POU4F3: variants seen among roughly 807,000 people sequenced by gnomAD.
The protein encoded by POU4F3 is POU class 4 homeobox 3, also known as POU domain, class 4, transcription factor 3.
In POU4F3, 7 loss-of-function variants were observed where a neutral mutation model predicts 22.0. The observed-to-expected ratio is 0.32, with a 90% CI of 0.18 to 0.60. The LOEUF is 0.60. Ranked by LOEUF, POU4F3 falls within the 20% of genes least tolerant of loss-of-function variation. The pLI, the probability that POU4F3 is intolerant of heterozygous loss-of-function variation, is 0.85. For synonymous variants in POU4F3, 220 were observed against 194.5 expected (o/e 1.13, Z -1.09); for missense variants, 457 against 467.4 (o/e 0.98, Z 0.21).
In POU4F3 at chr5:146,339,243, G is replaced by C; in HGVS notation, c.120+11G>C. ...CTCCCAGCCCCGCAGGTACGTAGTG[G>C]AGCATAATTACCGCTCTAAGGCACA... is the stretch of plus-strand genomic sequence containing the variant. On this transcript the variant is annotated intron_variant, in intron 1 of 1. Coordinates refer to ENST00000646991, the MANE Select transcript of POU4F3 (RefSeq NM_002700.3). The surrounding 1 kb of genome is among the most constrained non-coding windows in gnomAD (Gnocchi z 4.7). The C allele has an allele frequency of 3.1e-6, 5 of 1,614,192 alleles. No homozygotes were observed. Among genetic ancestry groups the C allele is most frequent in the Non-Finnish European group, 4.2e-6 (5 of 1,180,046 alleles).
Position 146,339,031 on chromosome 5 carries a change from C to A in POU4F3, c.-82C>A. 6.3e-7 allele frequency: 1 copy of A among 1,583,966 alleles called. No individual in the cohort carries two copies. Among genetic ancestry groups the A allele is most frequent in the Non-Finnish European group, 8.6e-7 (1 of 1,163,818 alleles). ...GGGCGAGGGGAGCGCGGGCGCTGAG[C>A]AGCGCTCACTTGGAGAGCGGCAAGC... On this transcript the variant is annotated 5_prime_UTR_variant, in exon 1 of 2. Transcript: ENST00000646991. The surrounding 1 kb of genome is among the most constrained non-coding windows in gnomAD (Gnocchi z 4.7).
At position 146,339,356 on chromosome 5, in the gene POU4F3, T is replaced by G; in HGVS notation, c.120+124T>G. Reference sequence around the variant, plus strand: ...AACCCCTCTCCTTGTCTCCCCCGCGTTCTCTCCCGGCGCGCTCTCTCTCTC... The same window carrying G: ...AACCCCTCTCCTTGTCTCCCCCGCGGTCTCTCCCGGCGCGCTCTCTCTCTC... On this transcript the variant is annotated intron_variant, in intron 1 of 1. Coordinates refer to ENST00000646991, the MANE Select transcript of POU4F3 (RefSeq NM_002700.3). This position sits in a 1 kb window ranked among gnomAD's most constrained non-coding sequence, Gnocchi z 4.7. 1 of 1,540,294 alleles carries G rather than the reference T, an allele frequency of 6.5e-7. No homozygotes were observed. Among genetic ancestry groups the G allele is most frequent in the Non-Finnish European group, 8.9e-7 (1 of 1,121,088 alleles).
At position 146,339,800 on chromosome 5, in the gene POU4F3, C is replaced by T. The variant is rs1760423963; in HGVS notation, c.373C>T (p.Pro125Ser). 6.2e-7 allele frequency: 1 copy of T among 1,611,288 alleles called. No homozygotes were observed. The highest frequency in any genetic ancestry group is 1.7e-5 in the Admixed American group (1 of 60,004). Residue 125 changes from proline to serine, a missense_variant, in exon 2 of 2, where the codon CCC (proline) becomes TCC (serine). Physicochemically the swap from Pro to Ser is moderately conservative, Grantham distance 74 (BLOSUM62 -1). Around this residue, in one of 2 missense-constraint regions of POU4F3, gnomAD observed 410 missense variants for 385.0 expected, o/e 1.06. Coordinates refer to ENST00000646991, the MANE Select transcript of POU4F3 (RefSeq NM_002700.3). The surrounding 1 kb of genome is among the most constrained non-coding windows in gnomAD (Gnocchi z 4.7). ...LEGDLLEHISPTLSVSGLGAP... is the reference protein window; with the variant it reads ...LEGDLLEHISSTLSVSGLGAP... Reference sequence around the variant, plus strand: ...AGGCGACCTGCTGGAGCACATCTCGCCCACGCTGAGTGTGAGCGGCCTGGG... The same window carrying T: ...AGGCGACCTGCTGGAGCACATCTCGTCCACGCTGAGTGTGAGCGGCCTGGG...
chr5:146,339,700 T>G lies in POU4F3; in HGVS notation c.273T>G (p.Thr91=). 1 of 1,614,084 alleles carries G rather than the reference T, an allele frequency of 6.2e-7. No individual in the cohort carries two copies. The highest frequency in any genetic ancestry group is 8.5e-7 in the Non-Finnish European group (1 of 1,180,022). The part of the protein sequence containing the change: ...HTMSSVPCTS[T]SSTVPISHPA... Reference sequence around the variant, plus strand: ...TGAGCAGCGTGCCCTGCACGTCCACTTCGTCCACCGTGCCCATCTCCCACC... The same window carrying G: ...TGAGCAGCGTGCCCTGCACGTCCACGTCGTCCACCGTGCCCATCTCCCACC... The change falls in exon 2 of 2, where the codon ACT becomes ACG. Residue 91 remains threonine, a synonymous_variant. Coordinates refer to ENST00000646991, the MANE Select transcript of POU4F3 (RefSeq NM_002700.3). The surrounding 1 kb of genome is among the most constrained non-coding windows in gnomAD (Gnocchi z 4.7).
In POU4F3 at chr5:146,339,236, C is replaced by A. The variant is rs1760412415; in HGVS notation, c.120+4C>A. ...AGTCTGTCTCCCAGCCCCGCAGGTA[C>A]GTAGTGGAGCATAATTACCGCTCTA... On this transcript the variant is annotated splice_donor_region_variant and intron_variant, in intron 1 of 1. Transcript: ENST00000646991. This position sits in a 1 kb window ranked among gnomAD's most constrained non-coding sequence, Gnocchi z 4.7. 6.2e-7 allele frequency: 1 copy of A among 1,614,100 alleles called. No individual in the cohort carries two copies. Among genetic ancestry groups the A allele is most frequent in the African/African-American group, 1.3e-5 (1 of 74,940 alleles).
At position 146,340,579 on chromosome 5, in the gene POU4F3, C is replaced by T; in HGVS notation, c.*135C>T. On this transcript the variant is annotated 3_prime_UTR_variant, in exon 2 of 2. Coordinates refer to ENST00000646991, the MANE Select transcript of POU4F3 (RefSeq NM_002700.3). ...TCTCCTCCGAAGCCACAGACTTTCC[C>T]CCTTTGTCCCGCCTGGTTGCCTCCG... The T allele has an allele frequency of 8.3e-7, 1 of 1,208,750 alleles. No individual in the cohort carries two copies. The highest frequency in any genetic ancestry group is 1.2e-6 in the Non-Finnish European group (1 of 850,430). The allele number at this position is 1,208,750 out of a possible 1,614,324, so 74.9% of individuals were successfully genotyped here.
chr5:146,340,198 C>G lies in POU4F3; in HGVS notation c.771C>G (p.Ala257=). ...AGGCCTGGTTGGAGGAGGCCGAGGCCGCCTACCGAGAGAAGAACAGCAAGC... is the reference window on the plus strand; with the variant it reads ...AGGCCTGGTTGGAGGAGGCCGAGGCGGCCTACCGAGAGAAGAACAGCAAGC... ...VLQAWLEEAE[A]AYREKNSKPE... Residue 257 remains alanine, a synonymous_variant, in exon 2 of 2, where the codon GCC becomes GCG. Coordinates refer to ENST00000646991, the MANE Select transcript of POU4F3 (RefSeq NM_002700.3). 6.2e-7 allele frequency: 1 copy of G among 1,614,144 alleles called. No individual in the cohort carries two copies. Among genetic ancestry groups the G allele is most frequent in the Non-Finnish European group, 8.5e-7 (1 of 1,180,032 alleles).
Position 146,339,610 on chromosome 5 carries a change from G to T in POU4F3, c.183G>T (p.Ala61=). ...ESLLARAEAL[A]AVDIVSHGKN... The stretch of plus-strand genomic sequence containing the variant: ...TGCTGGCACGCGCCGAAGCTCTGGC[G>T]GCGGTGGATATCGTCTCCCACGGCA... Residue 61 remains alanine (A), a synonymous_variant, in exon 2 of 2, where the codon GCG becomes GCT. Coordinates refer to ENST00000646991, the MANE Select transcript of POU4F3 (RefSeq NM_002700.3). This position sits in a 1 kb window ranked among gnomAD's most constrained non-coding sequence, Gnocchi z 4.7. The T allele has an allele frequency of 6.2e-7, 1 of 1,614,202 alleles. No homozygotes were observed. The highest frequency in any genetic ancestry group is 1.1e-5 in the South Asian group (1 of 91,088).
Position 146,339,724 on chromosome 5 carries a change from C to A in POU4F3, c.297C>A (p.His99Gln), listed in dbSNP as rs78523542. Residue 99 changes from histidine to glutamine, a missense_variant, in exon 2 of 2, where the codon CAC becomes CAA. Transcript: ENST00000646991. This position sits in a 1 kb window ranked among gnomAD's most constrained non-coding sequence, Gnocchi z 4.7. Reference protein sequence around the residue: ...TSTSSTVPISHPAALTSHPHH... With the variant: ...TSTSSTVPISQPAALTSHPHH... Reference sequence around the variant, plus strand: ...CTTCGTCCACCGTGCCCATCTCCCACCCAGCTGCGCTCACCTCACACCCTC... The same window carrying A: ...CTTCGTCCACCGTGCCCATCTCCCAACCAGCTGCGCTCACCTCACACCCTC... 1.2e-6 allele frequency: 2 copies of A among 1,614,026 alleles called. No homozygotes were observed. The highest frequency in any genetic ancestry group is 1.7e-5 in the Admixed American group (1 of 60,016).
chr5:146,340,270 C>T lies in POU4F3; in HGVS notation c.843C>T (p.Ile281=), dbSNP rs774467201. The change falls in exon 2 of 2, where the codon ATC becomes ATT. Residue 281 remains isoleucine (I), a synonymous_variant. Coordinates refer to ENST00000646991, the MANE Select transcript of POU4F3 (RefSeq NM_002700.3). The part of the protein sequence containing the change: ...GSERKRKRTS[I]AAPEKRSLEA... ...AACGGAAGCGCAAACGCACGTCCAT[C>T]GCGGCGCCGGAGAAGCGTTCACTCG... is the stretch of plus-strand genomic sequence containing the variant. The T allele has an allele frequency of 6.2e-7, 1 of 1,614,204 alleles. No homozygotes were observed. Among genetic ancestry groups the T allele is most frequent in the South Asian group, 1.1e-5 (1 of 91,078 alleles).
chr5:146,339,519 G>A lies in POU4F3; in HGVS notation c.121-29G>A. The A allele has an allele frequency of 6.2e-7, 1 of 1,613,804 alleles. No individual in the cohort carries two copies. On this transcript the variant is annotated intron_variant, in intron 1 of 1. Transcript: ENST00000646991. This position sits in a 1 kb window ranked among gnomAD's most constrained non-coding sequence, Gnocchi z 4.7. ...TCCTGTGTTGACAGTATTCCCTACT[G>A]ACCGTGCTGTGCGCCTTCTCGCTTG...
At position 146,340,841 on chromosome 5, in the gene POU4F3, G is replaced by A. The variant is rs1465065287; in HGVS notation, c.*397G>A. ...AAGCGCGATTAGGCAAAGGGTGAAG[G>A]GATAAAAAGGAAGTGATCAATAATA... On this transcript the variant is annotated 3_prime_UTR_variant, in exon 2 of 2. Coordinates refer to ENST00000646991, the MANE Select transcript of POU4F3 (RefSeq NM_002700.3). 2 of 326,740 alleles carry A rather than the reference G, an allele frequency of 6.1e-6. No homozygotes were observed. Among genetic ancestry groups the A allele is most frequent in the Non-Finnish European group, 1.2e-5 (2 of 171,262 alleles). The allele number at this position is 326,740 out of a possible 1,614,324, so 20.2% of individuals were successfully genotyped here.
In POU4F3 at chr5:146,339,281, C is replaced by G; in HGVS notation, c.120+49C>G. Reference sequence around the variant, plus strand: ...GCTCTAAGGCACATTTTTTGACAGGCACTAGCTTCATGTTTTTTTCATGTC... The same window carrying G: ...GCTCTAAGGCACATTTTTTGACAGGGACTAGCTTCATGTTTTTTTCATGTC... On this transcript the variant is annotated intron_variant, in intron 1 of 1. Transcript: ENST00000646991. The surrounding 1 kb of genome is among the most constrained non-coding windows in gnomAD (Gnocchi z 4.7). 6.2e-7 allele frequency: 1 copy of G among 1,612,054 alleles called. No homozygotes were observed.
chr5:146,339,219 T>A lies in POU4F3; in HGVS notation c.107T>A (p.Leu36His). 1.2e-6 allele frequency: 2 copies of A among 1,614,176 alleles called. No homozygotes were observed. The highest frequency in any genetic ancestry group is 1.7e-6 in the Non-Finnish European group (2 of 1,180,034). ...TCCGAGGCCATGCGCCGAGTCTGTCTCCCAGCCCCGCAGGTACGTAGTGGA... is the reference window on the plus strand; with the variant it reads ...TCCGAGGCCATGCGCCGAGTCTGTCACCCAGCCCCGCAGGTACGTAGTGGA... ...SGSEAMRRVC[L>H]PAPQLQGNIF... Residue 36 changes from leucine to histidine, a missense_variant, in exon 1 of 2, where the codon CTC becomes CAC. By Grantham distance (99) the Leu-to-His change is moderately conservative (BLOSUM62 -3). Coordinates refer to ENST00000646991, the MANE Select transcript of POU4F3 (RefSeq NM_002700.3). This position sits in a 1 kb window ranked among gnomAD's most constrained non-coding sequence, Gnocchi z 4.7.
In POU4F3 at chr5:146,340,462, G is replaced by T. The variant is rs1320042911; in HGVS notation, c.*18G>T. 6.2e-7 allele frequency: 1 copy of T among 1,613,356 alleles called. No homozygotes were observed. The highest frequency in any genetic ancestry group is 1.3e-5 in the African/African-American group (1 of 74,932). On this transcript the variant is annotated 3_prime_UTR_variant, in exon 2 of 2. Coordinates refer to ENST00000646991, the MANE Select transcript of POU4F3 (RefSeq NM_002700.3). ...TCCACTGATTGCGGCAGGGCGCAGC[G>T]TCGGGAGCCGGGAGAGCCTAGTGCT...
chr5:146,339,067 A>G lies in POU4F3; in HGVS notation c.-46A>G. The G allele has an allele frequency of 6.2e-7, 1 of 1,611,194 alleles. No individual in the cohort carries two copies. The highest frequency in any genetic ancestry group is 8.5e-7 in the Non-Finnish European group (1 of 1,178,822). On this transcript the variant is annotated 5_prime_UTR_variant, in exon 1 of 2. Coordinates refer to ENST00000646991, the MANE Select transcript of POU4F3 (RefSeq NM_002700.3). The surrounding 1 kb of genome is among the most constrained non-coding windows in gnomAD (Gnocchi z 4.7). ...TGGAGAGCGGCAAGCAAGCTAGACA[A>G]GCCTGATTCCATGTCACCCGCTGCC...
chr5:146,339,311 A>G lies in POU4F3; in HGVS notation c.120+79A>G. ...GCTTCATGTTTTTTTCATGTCGCCC[A>G]GAACAATCGCCGCTGTCTGAACCCC... On this transcript the variant is annotated intron_variant, in intron 1 of 1. Transcript: ENST00000646991. This position sits in a 1 kb window ranked among gnomAD's most constrained non-coding sequence, Gnocchi z 4.7. 5 of 1,599,848 alleles carry G rather than the reference A, an allele frequency of 3.1e-6. No individual in the cohort carries two copies. The highest frequency in any genetic ancestry group is 4.3e-6 in the Non-Finnish European group (5 of 1,169,062).
rs1760443488 is a variant in POU4F3 at position 146,340,645 on chromosome 5, T to C, written c.*201T>C. On this transcript the variant is annotated 3_prime_UTR_variant, in exon 2 of 2. Transcript: ENST00000646991. ...CCTTTCTATTCCCACCAAAAAAATT[T>C]TGGCGCTGGGAAAATATTGCAGAAG... The C allele has an allele frequency of 2.8e-6, 2 of 715,292 alleles. No individual in the cohort carries two copies. The highest frequency in any genetic ancestry group is 3.6e-5 in the African/African-American group (2 of 55,992). 44.3% of individuals were successfully genotyped at this position (715,292 alleles called of 1,614,324 possible). A position where few individuals can be genotyped will look rare whatever the true frequency, so the allele number is the denominator to read the frequency against.
At position 146,339,387 on chromosome 5, in the gene POU4F3, T is replaced by A. The variant is rs1418744787; in HGVS notation, c.120+155T>A. The A allele has an allele frequency of 6.7e-7, 1 of 1,488,188 alleles. No homozygotes were observed. Among genetic ancestry groups the A allele is most frequent in the African/African-American group, 1.4e-5 (1 of 72,254 alleles). 92.2% of individuals were successfully genotyped at this position (1,488,188 alleles called of 1,614,324 possible). A position where few individuals can be genotyped will look rare whatever the true frequency, so the allele number is the denominator to read the frequency against. On this transcript the variant is annotated intron_variant, in intron 1 of 1. Coordinates refer to ENST00000646991, the MANE Select transcript of POU4F3 (RefSeq NM_002700.3). This position sits in a 1 kb window ranked among gnomAD's most constrained non-coding sequence, Gnocchi z 4.7. ...CCCGGCGCGCTCTCTCTCTCATTCA[T>A]GTCTCTGATCCACACGTCTGTTCCA...
Sources: gnomAD v4.1 joint callset for allele counts on GRCh38, gnomAD v4.1.1 for gene constraint, gnomAD v4.1.1 regional missense constraint, Gnocchi (gnomAD v3.1) non-coding constraint, MANE v1.5 for transcripts, NCBI Gene and HGNC (gene_info 2026-07-23, HGNC 2026-07-21) for gene names.